Variants in AP3B1 observed in about 807,000 individuals in gnomAD.
AP3B1 encodes AP-3 complex subunit beta-1.
A neutral mutation model predicts 132.5 loss-of-function variants in AP3B1; 61 were observed. The ratio of observed to expected loss-of-function variants is 0.46; its 90% CI spans 0.37 to 0.57. The LOEUF (loss-of-function observed/expected upper bound fraction) is 0.57. AP3B1 is among the 20% of genes least tolerant of loss of function. AP3B1 has a pLI of 0.00. For synonymous variants in AP3B1, 388 were observed against 438.3 expected (o/e 0.89, Z 1.43); for missense variants, 1,120 against 1,289.4 (o/e 0.87, Z 2.01).
At chr5:78,166,459 T>G (rs996734784) in intron 11 of AP3B1, among the ~76,000 whole-genome samples, 1 of 152,198 alleles carries the variant, frequency 6.6e-6, no homozygotes, top group African/African-American at 2.4e-5. Flanking sequence ...TTAATTCTTT[T>G]GATTTGTTCT....
chr5:78,099,461 T>C (rs1040150440), intron 21 of AP3B1, among the ~76,000 whole-genome samples: 4 of 152,328 alleles, frequency 2.6e-5, no homozygotes, highest in African/African-American at 9.6e-5. Context: ...TCAGATCATC[T>C]ACAGTCTGAG....
chr5:78,024,764 T>C (rs1399765343), intron 24 of AP3B1, among the ~76,000 whole-genome samples: 3 of 151,902 alleles, frequency 2.0e-5, no homozygotes, highest in Non-Finnish European at 4.4e-5. Flanking sequence ...GGTTTCACCA[T>C]GTTGGCCAGG....
intron 22 of AP3B1, among the ~76,000 whole-genome samples, chr5:78,081,300 ATTTTTTTT>A (rs560113962): frequency 5.0e-5 from 5 of 100,876 alleles, no homozygotes; most frequent in South Asian, 3.3e-4. Context: ...GCATTACTTC[ATTTTTTTT>A]TTTTTTTTTT....
At chr5:78,114,017 G>A (rs112766092) in intron 18 of AP3B1, 94 bp from the exon 19 acceptor site, 4 of 1,423,026 alleles carry the variant, frequency 2.8e-6, no homozygotes, top group African/African-American at 2.8e-5. Context: ...AATGAAACCA[G>A]ATGTTGAATT....
intron 15 of AP3B1, among the ~76,000 whole-genome samples, chr5:78,135,444 T>G (rs1161187919): frequency 6.6e-6 from 1 of 152,188 alleles, no homozygotes; most frequent in African/African-American, 2.4e-5. Flanking sequence ...CAGGGATGAT[T>G]GAATGAAACA....
chr5:78,185,864 T>C (rs1744584677), intron 7 of AP3B1, among the ~76,000 whole-genome samples: 1 of 152,110 alleles, frequency 6.6e-6, no homozygotes, highest in South Asian at 2.1e-4. Context: ...AGTGAGACCC[T>C]ATCTCTAAAA....
intron 15 of AP3B1, among the ~76,000 whole-genome samples, chr5:78,132,733 GT>G (rs2112308498): frequency 6.6e-6 from 1 of 152,236 alleles, no homozygotes; most frequent in Non-Finnish European, 1.5e-5. Context: ...AGATTGTTGT[GT>G]CTTCTGGTTG....
chr5:78,161,975 T>C (rs1271304803), intron 13 of AP3B1, among the ~76,000 whole-genome samples: 1 of 152,132 alleles, frequency 6.6e-6, no homozygotes, highest in Non-Finnish European at 1.5e-5. Flanking sequence ...TGGGCTGCTA[T>C]ATCATATATG....
chr5:78,119,682 G>T (rs924192127), intron 17 of AP3B1, among the ~76,000 whole-genome samples: 3 of 152,156 alleles, frequency 2.0e-5, no homozygotes, highest in African/African-American at 7.2e-5. Context: ...AAGAAATGTG[G>T]GACTATGTGA....
chr5:78,206,614 C>T (rs773411203), intron 7 of AP3B1, among the ~76,000 whole-genome samples: 2 of 151,910 alleles, frequency 1.3e-5, no homozygotes, highest in Non-Finnish European at 2.9e-5. Flanking sequence ...TTACTAAGAA[C>T]ACGAAATCAA....
intron 7 of AP3B1, among the ~76,000 whole-genome samples, chr5:78,182,942 C>T (rs1317271158): frequency 1.3e-5 from 2 of 152,140 alleles, no homozygotes; most frequent in African/African-American, 4.8e-5. Flanking sequence ...ACTTCTAAGC[C>T]CATCCATTAG....
At chr5:78,112,577 T>C (rs1020860437) in intron 19 of AP3B1, among the ~76,000 whole-genome samples, 2 of 152,206 alleles carry the variant, frequency 1.3e-5, no homozygotes, top group African/African-American at 4.8e-5. Flanking sequence ...AAACAGGACA[T>C]GTTTTATAAC....
At chr5:78,140,972 A>G (rs1753120283) in intron 15 of AP3B1, among the ~76,000 whole-genome samples, 171 bp downstream of exon 15, 1 of 152,206 alleles carries the variant, frequency 6.6e-6, no homozygotes, top group Non-Finnish European at 1.5e-5. Flanking sequence ...CTCTCTTACT[A>G]GACTAGAATG....
At chr5:78,129,956 TC>T (rs1326637349) in intron 15 of AP3B1, among the ~76,000 whole-genome samples, 1 of 152,046 alleles carries the variant, frequency 6.6e-6, no homozygotes, top group Non-Finnish European at 1.5e-5. Flanking sequence ...CTTCCATTTT[TC>T]CCCCAAGCTG....
intron 2 of AP3B1, among the ~76,000 whole-genome samples, chr5:78,257,461 C>A (rs1371926292): frequency 6.6e-6 from 1 of 152,020 alleles, no homozygotes; most frequent in Non-Finnish European, 1.5e-5. Flanking sequence ...TTAACTTAAC[C>A]AAAGAAGTGA....
At chr5:78,224,238 A>G (rs1041889546) in intron 6 of AP3B1, among the ~76,000 whole-genome samples, 3 of 152,120 alleles carry the variant, frequency 2.0e-5, no homozygotes, top group African/African-American at 7.2e-5. Flanking sequence ...TATACCAACT[A>G]TGCATAGAAG....
At chr5:78,000,761 C>T (rs897329254), downstream of AP3B1, 5 of 151,918 alleles carry the variant, frequency 3.3e-5, no homozygotes, top group African/African-American at 1.2e-4. Context: ...TTGACTAACT[C>T]GACTCAATGG....
At chr5:78,018,478 C>A (rs953152719) in intron 25 of AP3B1, among the ~76,000 whole-genome samples, 1 of 145,086 alleles carries the variant, frequency 6.9e-6, no homozygotes, top group Non-Finnish European at 1.6e-5. Context: ...ATACTGTACA[C>A]TTTTCAGTTA....
At chr5:78,250,692 G>A (rs1349114695) in intron 2 of AP3B1, among the ~76,000 whole-genome samples, 2 of 152,072 alleles carry the variant, frequency 1.3e-5, no homozygotes, top group Non-Finnish European at 1.5e-5. Flanking sequence ...ATTATATGGG[G>A]AAAAAGTTGG....
Sources: allele counts gnomAD v4.1 joint callset (sites outside exome capture counted in the v4.1 genomes callset), GRCh38; gene constraint gnomAD v4.1.1; transcripts MANE v1.5; gene names NCBI Gene and HGNC (gene_info 2026-07-23, HGNC 2026-07-21).